WWOX: variants seen among roughly 807,000 people sequenced by gnomAD.
WWOX encodes WW domain-containing oxidoreductase.
WWOX carries 69 observed loss-of-function variants against 46.2 expected under a neutral mutation model. That is an observed-to-expected ratio of 1.49 (90% CI 1.23 to 1.82). WWOX has a LOEUF of 1.82. Ranked by LOEUF, WWOX falls within the 40% of genes most tolerant of loss-of-function variation. The pLI is 0.00. For synonymous variants in WWOX, 359 were observed against 202.6 expected (o/e 1.77, Z -6.56); for missense variants, 919 against 542.6 (o/e 1.69, Z -6.89).
At chr16:79,003,401 G>C (rs1053811094) in intron 8 of WWOX, among the ~76,000 whole-genome samples, 1 of 152,110 alleles carries the variant, frequency 6.6e-6, no homozygotes, top group African/African-American at 2.4e-5. Context: ...CATTATCACC[G>C]TGAGGCCTCT....
intron 5 of WWOX, among the ~76,000 whole-genome samples, chr16:78,382,558 A>G (rs1202795865): frequency 6.6e-6 from 1 of 152,190 alleles, no homozygotes; most frequent in Admixed American, 6.5e-5. Flanking sequence ...GAGCCATGCT[A>G]AGGAATTCAG....
chr16:79,000,346 G>A (rs1222984364), intron 8 of WWOX, among the ~76,000 whole-genome samples: 1 of 152,116 alleles, frequency 6.6e-6, no homozygotes, highest in African/African-American at 2.4e-5. Context: ...TATAAATATG[G>A]GAGGTTACAT....
chr16:78,943,095 C>T (rs1015365849), intron 8 of WWOX, among the ~76,000 whole-genome samples: 4 of 152,122 alleles, frequency 2.6e-5, no homozygotes, highest in African/African-American at 9.7e-5. Context: ...TTTTAAATTG[C>T]TATAAAGTTT....
At chr16:78,774,443 C>T (rs955854601) in intron 8 of WWOX, among the ~76,000 whole-genome samples, 1 of 152,040 alleles carries the variant, frequency 6.6e-6, no homozygotes, top group East Asian at 1.9e-4. Context: ...TGTTGGAATC[C>T]ACGTTGGTGT....
Position 78,792,160 on chromosome 16 carries a change from A to C in WWOX, c.1056+359408A>C, listed in dbSNP as rs77784634. Among the ~76,000 whole-genome samples, 933 of 152,236 alleles carry C rather than the reference A, an allele frequency of 6.1e-3. 13 individuals are homozygous for C. Among genetic ancestry groups the C allele is most frequent in the African/African-American group, 0.022 (895 of 41,554 alleles). On this transcript the variant is annotated intron_variant, in intron 8 of 8. Transcript: ENST00000566780. Reference sequence around the variant, plus strand: ...CCACCATTAGACCTCAGTGGCCCGCAGCAATAAACATTCGATTCTCGCCAT... The same window carrying C: ...CCACCATTAGACCTCAGTGGCCCGCCGCAATAAACATTCGATTCTCGCCAT...
At chr16:78,121,433 T>G (rs1319216139) in intron 4 of WWOX, among the ~76,000 whole-genome samples, 1 of 152,200 alleles carries the variant, frequency 6.6e-6, no homozygotes, top group African/African-American at 2.4e-5. Context: ...TTAACCATTT[T>G]ACACTGAGAT....
intron 8 of WWOX, among the ~76,000 whole-genome samples, chr16:78,802,941 A>ACAG (rs2050932395): frequency 1.2e-5 from 1 of 82,416 alleles, no homozygotes; most frequent in Non-Finnish European, 2.5e-5. Flanking sequence ...AAAAAAAAAA[A>ACAG]ACAACAAACA....
chr16:78,429,399 G>C (rs902508919), intron 7 of WWOX, among the ~76,000 whole-genome samples: 2 of 152,102 alleles, frequency 1.3e-5, no homozygotes, highest in African/African-American at 4.8e-5. Context: ...TTCTCTCCCT[G>C]ACTTCCACCC....
intron 8 of WWOX, among the ~76,000 whole-genome samples, chr16:79,093,376 T>C (rs1003842872): frequency 2.0e-5 from 3 of 152,208 alleles, no homozygotes; most frequent in African/African-American, 7.2e-5. Context: ...AATGAGTCCT[T>C]TCAATTATGA....
At chr16:79,045,452 A>G (rs2048046605) in intron 8 of WWOX, among the ~76,000 whole-genome samples, 1 of 152,212 alleles carries the variant, frequency 6.6e-6, no homozygotes, top group South Asian at 2.1e-4. Flanking sequence ...CTCTCAGGAA[A>G]TGGGCAAAGT....
intron 8 of WWOX, among the ~76,000 whole-genome samples, chr16:78,670,338 C>A (rs999655652): frequency 6.6e-6 from 1 of 152,170 alleles, no homozygotes; most frequent in Non-Finnish European, 1.5e-5. Flanking sequence ...AAACACCTTT[C>A]CAAGCTCCCC....
intron 8 of WWOX, among the ~76,000 whole-genome samples, chr16:78,871,826 C>G (rs1266793620): frequency 6.6e-6 from 1 of 152,214 alleles, no homozygotes; most frequent in African/African-American, 2.4e-5. Context: ...TGGTCTCAAA[C>G]TCCTGGCCTC....
At chr16:78,392,808 C>T (rs1027188795) in intron 6 of WWOX, among the ~76,000 whole-genome samples, 2 of 152,130 alleles carry the variant, frequency 1.3e-5, no homozygotes, top group African/African-American at 4.8e-5. Context: ...CAGTTTTCTT[C>T]AGGCCCAGCA....
At chr16:78,353,837 C>T (rs113416656) in intron 5 of WWOX, among the ~76,000 whole-genome samples, 2 of 152,184 alleles carry the variant, frequency 1.3e-5, no homozygotes, top group Non-Finnish European at 2.9e-5. Flanking sequence ...GCTTGGGTGG[C>T]GTTCGCTTTA....
chr16:78,892,120 A>G (rs1017447147), intron 8 of WWOX: 1 of 152,140 alleles, frequency 6.6e-6, no homozygotes, highest in African/African-American at 2.4e-5. Context: ...CACTTGCCAA[A>G]CCATGTTTTC....
At chr16:79,097,796 C>G (rs1372773826) in intron 8 of WWOX, among the ~76,000 whole-genome samples, 1 of 152,128 alleles carries the variant, frequency 6.6e-6, no homozygotes, top group Non-Finnish European at 1.5e-5. Context: ...AGAGTGGGAA[C>G]TGAGGAGATT....
intron 8 of WWOX, among the ~76,000 whole-genome samples, chr16:78,509,104 C>T (rs867453575): frequency 2.0e-5 from 3 of 152,208 alleles, no homozygotes; most frequent in African/African-American, 7.2e-5. Flanking sequence ...GCCCTCCCTT[C>T]GTGTAGAACA....
At chr16:78,927,599 G>T (rs1230117210) in intron 8 of WWOX, among the ~76,000 whole-genome samples, 1 of 152,164 alleles carries the variant, frequency 6.6e-6, no homozygotes, top group African/African-American at 2.4e-5. Context: ...ACCCTATGTA[G>T]TTCACATAAC....
chr16:78,332,422 G>A (rs1377768417), intron 5 of WWOX, among the ~76,000 whole-genome samples: 1 of 152,192 alleles, frequency 6.6e-6, no homozygotes, highest in African/African-American at 2.4e-5. Context: ...CTCCAGCGGA[G>A]TAGCCTGTGA....
Sources: gnomAD v4.1 joint callset for allele counts (sites outside exome capture counted in the v4.1 genomes callset) on GRCh38, gnomAD v4.1.1 for gene constraint, MANE v1.5 for transcripts, NCBI Gene and HGNC (gene_info 2026-07-23, HGNC 2026-07-21) for gene names.